The following ERMARD variants were observed in gnomAD, a reference collection of about 807,000 sequenced individuals.
ERMARD encodes endoplasmic reticulum membrane-associated RNA degradation protein.
Under a neutral mutation model 83.9 loss-of-function variants are expected in ERMARD, and 71 were observed. The ratio of observed to expected loss-of-function variants is 0.85; its 90% CI spans 0.70 to 1.03. The LOEUF (loss-of-function observed/expected upper bound fraction) is 1.03, where lower values mean the gene tolerates loss of function less well. Ranked by LOEUF, ERMARD falls within the 50% of genes least tolerant of loss-of-function variation. ERMARD has a pLI of 0.00. For synonymous variants in ERMARD, 284 were observed against 298.6 expected (o/e 0.95, Z 0.50); for missense variants, 838 against 810.9 (o/e 1.03, Z -0.41).
intron 10 of ERMARD, 174 bp from the exon 11 acceptor site, chr6:169,767,929 T>C (rs1302808027): frequency 3.3e-6 from 2 of 612,270 alleles, no homozygotes; most frequent in Non-Finnish European, 5.9e-6. Flanking sequence ...ATTCTGTTGG[T>C]TAAGAAAATA....
At chr6:169,764,384 C>T (rs530868044) in intron 9 of ERMARD, among the ~76,000 whole-genome samples, 45 of 151,980 alleles carry the variant, frequency 3.0e-4, no homozygotes, top group Non-Finnish European at 3.1e-4. Context: ...CCACCTCCGC[C>T]CCCCGAGTAA....
intron 13 of ERMARD, among the ~76,000 whole-genome samples, chr6:169,774,101 C>T (rs111948095): frequency 1.1e-3 from 163 of 152,218 alleles, no homozygotes; most frequent in African/African-American, 3.7e-3. Context: ...TTTGGGAGGC[C>T]GAGGCGGGCG....
chr6:169,775,091 C>T (rs963379591), intron 13 of ERMARD, among the ~76,000 whole-genome samples, 179 bp from the exon 14 acceptor site: 2 of 152,226 alleles, frequency 1.3e-5, no homozygotes, highest in African/African-American at 4.8e-5. Flanking sequence ...CTGGTAGTTT[C>T]CGCAGCCTTC....
At chr6:169,761,880 G>A (rs567212292) in intron 8 of ERMARD, among the ~76,000 whole-genome samples, 3 of 151,864 alleles carry the variant, frequency 2.0e-5, no homozygotes, top group South Asian at 2.1e-4. Flanking sequence ...ACGGGGTTTC[G>A]TCACATTGGT....
intron 10 of ERMARD, chr6:169,767,717 T>C: frequency 8.7e-6 from 2 of 230,348 alleles, no homozygotes; most frequent in Non-Finnish European, 1.7e-5. Flanking sequence ...CCATGCCACA[T>C]ATACACACAC....
At chr6:169,780,266 A>G (rs754122470) in intron 17 of ERMARD, among the ~76,000 whole-genome samples, 4 of 152,108 alleles carry the variant, frequency 2.6e-5, no homozygotes, top group Non-Finnish European at 4.4e-5. Flanking sequence ...CAAAATACCA[A>G]TGGCACCCCT....
intron 1 of ERMARD, among the ~76,000 whole-genome samples, chr6:169,752,621 A>G (rs1207939922): frequency 6.6e-6 from 1 of 152,202 alleles, no homozygotes; most frequent in Non-Finnish European, 1.5e-5. Flanking sequence ...AAACAGGGCA[A>G]CTGATAGCAG....
At chr6:169,769,454 C>A in intron 11 of ERMARD, 86 bp from the exon 12 acceptor site, 2 of 1,274,740 alleles carry the variant, frequency 1.6e-6, no homozygotes, top group Non-Finnish European at 2.1e-6. Context: ...TTGATGGATG[C>A]ACTCTTTCCT....
chr6:169,770,723 C>T (rs1792794779), intron 12 of ERMARD: 1 of 151,898 alleles, frequency 6.6e-6, no homozygotes, highest in Admixed American at 6.6e-5. Flanking sequence ...GGGCTCAAGC[C>T]ATCCTCTTAC....
intron 1 of ERMARD, among the ~76,000 whole-genome samples, chr6:169,752,592 T>C (rs2128339196): frequency 6.6e-6 from 1 of 152,316 alleles, no homozygotes; most frequent in East Asian, 1.9e-4. Flanking sequence ...AAAGTGCAAC[T>C]TCTGGGTGCA....
At chr6:169,756,288 G>A (rs1352005824) in intron 3 of ERMARD, 50 bp from the exon 4 acceptor site, 2 of 1,135,830 alleles carry the variant, frequency 1.8e-6, no homozygotes, top group Non-Finnish European at 2.5e-6. Flanking sequence ...TTGTTGCTTT[G>A]AGAAGTAGTT....
At chr6:169,764,871 G>T (rs975387338) in intron 9 of ERMARD, among the ~76,000 whole-genome samples, 1 of 152,190 alleles carries the variant, frequency 6.6e-6, no homozygotes, top group South Asian at 2.1e-4. Context: ...CCTTCCAGAG[G>T]CTCATCTACT....
chr6:169,779,497 T>C (rs903924651), intron 17 of ERMARD, among the ~76,000 whole-genome samples: 22 of 145,174 alleles, frequency 1.5e-4, no homozygotes, highest in Admixed American at 1.3e-3. Context: ...TGTTTTGTTT[T>C]GTTTTGTTTT....
intron 10 of ERMARD, chr6:169,767,873 A>G: frequency 1.8e-6 from 1 of 557,506 alleles, no homozygotes; most frequent in South Asian, 2.2e-5. Context: ...ATAGTCACAT[A>G]CACAAACACA....
chr6:169,772,612 A>G (rs1027137569), intron 12 of ERMARD, among the ~76,000 whole-genome samples: 1 of 151,422 alleles, frequency 6.6e-6, no homozygotes, highest in Admixed American at 6.6e-5. Flanking sequence ...ACTAAAAAAT[A>G]AAAAAAAATT....
At chr6:169,777,101 T>G (rs930388956) in intron 16 of ERMARD, among the ~76,000 whole-genome samples, 38 of 152,214 alleles carry the variant, frequency 2.5e-4, no homozygotes, top group Non-Finnish European at 5.0e-4. Flanking sequence ...TTTGAGTCTT[T>G]GATGAGCCTT....
chr6:169,758,562 TATC>T (rs1791110684), intron 5 of ERMARD, among the ~76,000 whole-genome samples: 1 of 152,252 alleles, frequency 6.6e-6, no homozygotes, highest in African/African-American at 2.4e-5. Flanking sequence ...TGTTTCTGCT[TATC>T]ATATCATTGT....
intron 9 of ERMARD, among the ~76,000 whole-genome samples, chr6:169,764,828 G>A (rs971022082): frequency 2.6e-5 from 4 of 152,204 alleles, no homozygotes; most frequent in Admixed American, 2.6e-4. Flanking sequence ...CAGATTTTCC[G>A]CTCCAGGTCA....
intron 7 of ERMARD, 82 bp downstream of exon 7, chr6:169,760,056 CTT>C: frequency 1.3e-6 from 2 of 1,577,834 alleles, no homozygotes; most frequent in Non-Finnish European, 1.7e-6. Context: ...GAGGTGCACT[CTT>C]GAGGTGGGGT....
Sources: gnomAD v4.1 joint callset for allele counts (sites outside exome capture counted in the v4.1 genomes callset) on GRCh38, gnomAD v4.1.1 for gene constraint, MANE v1.5 for transcripts, NCBI Gene and HGNC (gene_info 2026-07-23, HGNC 2026-07-21) for gene names.